Variants in KCNIP4 observed in about 807,000 individuals in gnomAD.
The protein encoded by KCNIP4 is Kv channel-interacting protein 4.
KCNIP4 carries 12 observed loss-of-function variants against 34.0 expected under a neutral mutation model. The observed-to-expected ratio is 0.35, with a 90% confidence interval of 0.23 to 0.57. The LOEUF (loss-of-function observed/expected upper bound fraction) is 0.57. KCNIP4 is among the 20% of genes least tolerant of loss of function. The pLI is 0.83. For missense variants in KCNIP4, 238 were observed against 311.7 expected, an observed-to-expected ratio of 0.76 and a Z score of 1.78; for synonymous variants, 124 against 102.2, an observed-to-expected ratio of 1.21 and a Z score of -1.29.
rs71189683 is a variant in KCNIP4, at chr4:21,132,853, CAAAAAAA to C, written c.62-250151_62-250145del. Among the ~76,000 whole-genome samples the C allele has an allele frequency of 4.8e-4, 56 of 116,684 alleles. No individual in the cohort carries two copies. In the South Asian group the frequency reaches 5.7e-3, roughly 12 times the overall value. 76.5% of individuals were successfully genotyped at this position (116,684 alleles called of 152,430 possible). On this transcript the variant is annotated intron_variant, in intron 1 of 8. Transcript: ENST00000382152. ...GTGAAATGTCGTCTCTACTAAACGA[CAAAAAAA>C]AAAAAAAAAAAAAAATTAGCCAGGT...
chr4:21,345,822 A>G (rs1717248877), intron 1 of KCNIP4, among the ~76,000 whole-genome samples: 1 of 151,932 alleles, frequency 6.6e-6, no homozygotes, highest in Admixed American at 6.6e-5. Context: ...TGTTTAAATG[A>G]CTAGTTATCC....
At chr4:21,933,201 T>C (rs1295745185) in intron 1 of KCNIP4, among the ~76,000 whole-genome samples, 1 of 152,068 alleles carries the variant, frequency 6.6e-6, no homozygotes, top group East Asian at 1.9e-4. Context: ...GGGACCAAGA[T>C]CAGATAATGT....
chr4:21,076,025 T>C (rs1263930787), intron 1 of KCNIP4, among the ~76,000 whole-genome samples: 2 of 152,186 alleles, frequency 1.3e-5, no homozygotes, highest in Non-Finnish European at 2.9e-5. Flanking sequence ...TCTGACGGGT[T>C]TCCCTTTGTG....
At chr4:21,405,872 G>A (rs978394966) in intron 1 of KCNIP4, among the ~76,000 whole-genome samples, 5 of 152,090 alleles carry the variant, frequency 3.3e-5, no homozygotes, top group African/African-American at 7.2e-5. Flanking sequence ...TTTTGCTCTC[G>A]TTGCCCATGC....
intron 3 of KCNIP4, among the ~76,000 whole-genome samples, chr4:20,819,720 G>A (rs1716869605): frequency 6.6e-6 from 1 of 152,310 alleles, no homozygotes; most frequent in South Asian, 2.1e-4. Context: ...AATGGGATTA[G>A]TGCTGTTACA....
intron 1 of KCNIP4, among the ~76,000 whole-genome samples, chr4:21,834,234 T>G (rs1219537796): frequency 6.6e-6 from 1 of 152,234 alleles, no homozygotes; most frequent in Admixed American, 6.5e-5. Context: ...GCATGGAATG[T>G]TCTTCCATTT....
At chr4:21,230,115 A>T (rs1269065429) in intron 1 of KCNIP4, among the ~76,000 whole-genome samples, 2 of 152,138 alleles carry the variant, frequency 1.3e-5, no homozygotes, top group Non-Finnish European at 2.9e-5. Flanking sequence ...ATTTGAGGAT[A>T]GAGAGACACA....
At chr4:21,334,698 A>G (rs567649951) in intron 1 of KCNIP4, among the ~76,000 whole-genome samples, 3 of 152,072 alleles carry the variant, frequency 2.0e-5, no homozygotes, top group African/African-American at 7.2e-5. Flanking sequence ...CCAGGCAAAC[A>G]CTAGTCTACA....
intron 1 of KCNIP4, among the ~76,000 whole-genome samples, chr4:21,688,277 A>T (rs1750965140): frequency 6.6e-6 from 1 of 152,180 alleles, no homozygotes; most frequent in Non-Finnish European, 1.5e-5. Context: ...CACTCAAAGA[A>T]AATGCTCAGT....
intron 1 of KCNIP4, among the ~76,000 whole-genome samples, chr4:21,025,651 T>TCACGC (rs1207646555): frequency 7.1e-6 from 1 of 140,474 alleles, no homozygotes; most frequent in African/African-American, 2.7e-5. Context: ...CCTCCCGGGT[T>TCACGC]CACGCCATTC....
chr4:20,758,267 T>C (rs752677637), intron 4 of KCNIP4, among the ~76,000 whole-genome samples: 1 of 152,110 alleles, frequency 6.6e-6, no homozygotes, highest in Non-Finnish European at 1.5e-5. Context: ...TCTAGGATGG[T>C]TTTAATTTTC....
chr4:21,664,845 G>A (rs1210355284), intron 1 of KCNIP4, among the ~76,000 whole-genome samples: 1 of 152,068 alleles, frequency 6.6e-6, no homozygotes, highest in Non-Finnish European at 1.5e-5. Flanking sequence ...TTATGGCATT[G>A]TTTTTGCATT....
intron 1 of KCNIP4, among the ~76,000 whole-genome samples, chr4:21,715,844 A>C (rs1017246832): frequency 7.9e-5 from 12 of 152,194 alleles, no homozygotes; most frequent in African/African-American, 2.9e-4. Context: ...TATGGTTTTC[A>C]ATCTTTTCTT....
chr4:21,541,712 C>A lies in KCNIP4; in HGVS notation c.61+406859G>T, dbSNP rs150104343. 3.8e-3 allele frequency among the ~76,000 whole-genome samples: 579 copies of A among 152,086 alleles called. 5 individuals carry two copies. Among genetic ancestry groups the A allele is most frequent in the Non-Finnish European group, 6.1e-3 (417 of 67,990 alleles). On this transcript the variant is annotated intron_variant, in intron 1 of 8. Transcript: ENST00000382152. ...CACTGGAGTGCAGTGGCATAATCAC[C>A]CTCACTGTAGCTTTGACTTCCTGGG...
intron 3 of KCNIP4, among the ~76,000 whole-genome samples, chr4:20,841,620 C>T (rs71607041): frequency 0.18 from 27,140 of 151,904 alleles, 2,589 homozygotes; most frequent in South Asian, 0.39. Flanking sequence ...TCTCTACTTG[C>T]TACTACCCTG....
chr4:21,611,351 C>A (rs1201398533), intron 1 of KCNIP4, among the ~76,000 whole-genome samples: 1 of 152,018 alleles, frequency 6.6e-6, no homozygotes, highest in Non-Finnish European at 1.5e-5. Flanking sequence ...GGGAGAAGAG[C>A]CCCTTATAAA....
At chr4:21,377,654 T>G (rs1721082290) in intron 1 of KCNIP4, among the ~76,000 whole-genome samples, 1 of 152,200 alleles carries the variant, frequency 6.6e-6, no homozygotes, top group South Asian at 2.1e-4. Flanking sequence ...GCTGGTTGTT[T>G]GCGTCCAAGC....
chr4:21,166,938 C>CAAAAAAAAAAAAAAAAA (rs55649635), intron 1 of KCNIP4, among the ~76,000 whole-genome samples: 24 of 37,544 alleles, frequency 6.4e-4, no homozygotes, highest in African/African-American at 2.6e-3. Context: ...CACTCCATCT[C>CAAAAAAAAAAAAAAAAA]AAAAAAAAAA....
chr4:21,892,550 T>TAAAAAAA (rs35105632), intron 1 of KCNIP4, among the ~76,000 whole-genome samples: 2 of 126,370 alleles, frequency 1.6e-5, no homozygotes, highest in Non-Finnish European at 3.3e-5. Context: ...AGCAAAAAAG[T>TAAAAAAA]AAAAAAAAAA....
Sources: allele counts gnomAD v4.1 joint callset (sites outside exome capture counted in the v4.1 genomes callset), GRCh38; gene constraint gnomAD v4.1.1; transcripts MANE v1.5; gene names NCBI Gene and HGNC (gene_info 2026-07-23, HGNC 2026-07-21).